TMC3: variants seen among roughly 807,000 people sequenced by gnomAD.
TMC3 encodes transmembrane channel-like protein 3.
Under a neutral mutation model 110.6 loss-of-function variants are expected in TMC3, and 98 were observed. That is an observed-to-expected ratio of 0.89 (90% confidence interval 0.75 to 1.05). The LOEUF is 1.05. Among genes scored for constraint, TMC3 ranks in the 50% least tolerant of loss-of-function variants. The probability of loss-of-function intolerance (pLI) is 0.00; values close to 1 mark genes in which losing one functional copy is unlikely to be tolerated. For synonymous variants in TMC3, 489 were observed against 513.1 expected (o/e 0.95, Z 0.63); for missense variants, 1,319 against 1,373.2 (o/e 0.96, Z 0.62).
Position 81,341,452 on chromosome 15 carries a change from G to A in TMC3, c.1782C>T (p.Tyr594=), listed in dbSNP as rs1346374914. ...FNVLKLIGLM[Y]LRSWAVLTCN... ...AGGTCAGCACAGCCCAGCTTCTCAG[G>A]TACATGAGCCCAATGAGTTTGAGAA... The change falls in exon 16 of 22, where the codon TAC becomes TAT. Residue 594 remains tyrosine (Y), a synonymous_variant. Transcript: ENST00000359440. The A allele has an allele frequency of 1.2e-6, 2 of 1,611,746 alleles. No homozygotes were observed. The highest frequency in any genetic ancestry group is 1.3e-5 in the African/African-American group (1 of 75,012).
intron 3 of TMC3, among the ~76,000 whole-genome samples, chr15:81,366,389 G>A (rs548449169): frequency 5.9e-5 from 9 of 152,302 alleles, no homozygotes; most frequent in East Asian, 1.9e-4. Context: ...CGAGCTGAGC[G>A]TTTTACAGAA....
At chr15:81,336,344 T>C (rs1893594176) in intron 20 of TMC3, among the ~76,000 whole-genome samples, 1 of 152,146 alleles carries the variant, frequency 6.6e-6, no homozygotes, top group South Asian at 2.1e-4. Context: ...CCCAGCACTT[T>C]GGGAGGCCAA....
At position 81,374,168 on chromosome 15, in the gene TMC3, C is replaced by T. The variant is rs2141432111; in HGVS notation, c.-91G>A. 8.5e-7 allele frequency: 1 copy of T among 1,179,066 alleles called. No homozygotes were observed. Among genetic ancestry groups the T allele is most frequent in the South Asian group, 1.3e-5 (1 of 76,518 alleles). 73.0% of individuals were successfully genotyped at this position (1,179,066 alleles called of 1,614,324 possible). ...CTGTTCCGAGGTTTCTGAATGGAAGCAGCGGAGTTTGCTCTGCCCGCTAGT... is the reference window on the plus strand; with the variant it reads ...CTGTTCCGAGGTTTCTGAATGGAAGTAGCGGAGTTTGCTCTGCCCGCTAGT... On this transcript the variant is annotated 5_prime_UTR_variant, in exon 1 of 22. Coordinates refer to ENST00000359440, the MANE Select transcript of TMC3 (RefSeq NM_001080532.3).
chr15:81,372,579 T>C lies in TMC3; in HGVS notation c.236+12A>G. On this transcript the variant is annotated intron_variant, in intron 2 of 21. Transcript: ENST00000359440. ...GCTTGTAATGATCAATAATGGCCAT[T>C]GAGGCCCTTACCTCAATGCCCTCAG... is the stretch of plus-strand genomic sequence containing the variant. 1.2e-6 allele frequency: 2 copies of C among 1,612,816 alleles called. No homozygotes were observed. Among genetic ancestry groups the C allele is most frequent in the South Asian group, 2.2e-5 (2 of 91,032 alleles).
Position 81,331,564 on chromosome 15 carries a change from A to G in TMC3, c.*855T>C, listed in dbSNP as rs1893462018. On this transcript the variant is annotated 3_prime_UTR_variant, in exon 22 of 22. Transcript: ENST00000359440. ...ATTCATGAATTCCTTCTTCAACACA[A>G]CCCCCAGGAATGTCAGGCGACCATC... 1 of 151,970 alleles carries G rather than the reference A, an allele frequency of 6.6e-6. No homozygotes were observed. Among genetic ancestry groups the G allele is most frequent in the Admixed American group, 6.6e-5 (1 of 15,254 alleles). The allele number at this position is 151,970 out of a possible 1,614,324, so 9.4% of individuals were successfully genotyped here.
chr15:81,346,075 G>A (rs1479988667), intron 12 of TMC3, among the ~76,000 whole-genome samples: 1 of 152,052 alleles, frequency 6.6e-6, no homozygotes. Context: ...TTTCCTGATG[G>A]GATTCAAAGA....
At chr15:81,340,294 C>G (rs1200580733) in intron 16 of TMC3, among the ~76,000 whole-genome samples, 2 of 152,136 alleles carry the variant, frequency 1.3e-5, no homozygotes, top group Admixed American at 1.3e-4. Flanking sequence ...TTTCAGAGAG[C>G]ACAGAATGTA....
intron 10 of TMC3, 136 bp from the exon 11 acceptor site, chr15:81,349,703 C>A: frequency 2.2e-6 from 1 of 446,516 alleles, no homozygotes; most frequent in East Asian, 3.6e-5. Context: ...TGGAAAATCC[C>A]CCCAAATCTC....
intron 13 of TMC3, 107 bp from the exon 14 acceptor site, chr15:81,344,152 TG>T: frequency 1.6e-6 from 2 of 1,230,244 alleles, no homozygotes; most frequent in Non-Finnish European, 1.1e-6. Flanking sequence ...CCCCAGCCAG[TG>T]GGCCCCTCCA....
intron 11 of TMC3, among the ~76,000 whole-genome samples, chr15:81,348,866 C>T (rs1893880653): frequency 6.6e-6 from 1 of 152,190 alleles, no homozygotes; most frequent in African/African-American, 2.4e-5. Context: ...GGCTGGAGTG[C>T]AGTGGTGTGA....
Position 81,365,687 on chromosome 15 carries a change from A to AG in TMC3, c.312+2565_312+2566insC, listed in dbSNP as rs1567070128. The stretch of plus-strand genomic sequence containing the variant: ...CTCTGTCTCAAAAAAAAAAAAAAAG[A>AG]AAAAGAAAAAAAAGAAAAAAGCAAA... On this transcript the variant is annotated intron_variant, in intron 3 of 21. Coordinates refer to ENST00000359440, the MANE Select transcript of TMC3 (RefSeq NM_001080532.3). Among the ~76,000 whole-genome samples the AG allele has an allele frequency of 5.5e-5, 3 of 54,278 alleles. No individual in the cohort carries two copies. The African/African-American group carries it at 6.9e-4, about 13-fold the overall frequency. The allele number at this position is 54,278 out of a possible 152,430, so 35.6% of individuals were successfully genotyped here.
intron 21 of TMC3, among the ~76,000 whole-genome samples, chr15:81,334,136 A>C (rs1893538503): frequency 6.6e-6 from 1 of 152,136 alleles, no homozygotes; most frequent in Non-Finnish European, 1.5e-5. Context: ...CTTATATAAC[A>C]AGACTTCAAG....
At chr15:81,355,178 GC>G (rs1283216583) in intron 9 of TMC3, among the ~76,000 whole-genome samples, 1 of 152,140 alleles carries the variant, frequency 6.6e-6, no homozygotes, top group Non-Finnish European at 1.5e-5. Context: ...AATCATGAGG[GC>G]TAAATAACCA....
intron 11 of TMC3, among the ~76,000 whole-genome samples, chr15:81,348,719 C>T (rs1025246835): frequency 6.6e-6 from 1 of 152,166 alleles, no homozygotes; most frequent in Non-Finnish European, 1.5e-5. Context: ...AACATGGGTC[C>T]CTCTCACCAC....
chr15:81,366,205 A>G (rs555145630), intron 3 of TMC3, among the ~76,000 whole-genome samples: 8 of 152,226 alleles, frequency 5.3e-5, no homozygotes, highest in East Asian at 1.9e-4. Flanking sequence ...CCATGCCACA[A>G]TGGGACACAG....
chr15:81,371,487 C>T (rs1422536937), intron 2 of TMC3, among the ~76,000 whole-genome samples: 2 of 152,184 alleles, frequency 1.3e-5, no homozygotes, highest in Non-Finnish European at 2.9e-5. Context: ...GTTCTGTCCA[C>T]ACTGCAGGTG....
At chr15:81,352,634 A>C (rs1893975271) in intron 9 of TMC3, among the ~76,000 whole-genome samples, 1 of 152,230 alleles carries the variant, frequency 6.6e-6, no homozygotes, top group African/African-American at 2.4e-5. Context: ...AGCCTCAGGC[A>C]GGTCCTTCAG....
At chr15:81,359,921 G>A (rs967633533) in intron 4 of TMC3, among the ~76,000 whole-genome samples, 4 of 152,184 alleles carry the variant, frequency 2.6e-5, no homozygotes, top group Non-Finnish European at 4.4e-5. Context: ...ATAGTGGACC[G>A]TGGGTGAAGG....
At chr15:81,347,613 T>C (rs1398026171) in intron 11 of TMC3, among the ~76,000 whole-genome samples, 1 of 152,232 alleles carries the variant, frequency 6.6e-6, no homozygotes, top group South Asian at 2.1e-4. Flanking sequence ...GTGCCTTGGA[T>C]AGAAGGTAAC....
Sources: allele counts gnomAD v4.1 joint callset (sites outside exome capture counted in the v4.1 genomes callset), GRCh38; gene constraint gnomAD v4.1.1; transcripts MANE v1.5; gene names NCBI Gene and HGNC (gene_info 2026-07-23, HGNC 2026-07-21).